FRMD6: variants seen among roughly 807,000 people sequenced by gnomAD.
FRMD6 encodes the protein FERM domain containing 6, also known as FERM domain-containing protein 6.
A neutral mutation model predicts 73.2 loss-of-function variants in FRMD6; 37 were observed. That is an observed-to-expected ratio of 0.51 (90% CI 0.39 to 0.66). The LOEUF (loss-of-function observed/expected upper bound fraction) is 0.66. Among genes scored for constraint, FRMD6 ranks in the 30% least tolerant of loss-of-function variants. The pLI is 0.00. For synonymous variants in FRMD6, 273 were observed against 282.2 expected (o/e 0.97, Z 0.33); for missense variants, 714 against 780.5 (o/e 0.91, Z 1.02).
intron 1 of FRMD6, among the ~76,000 whole-genome samples, chr14:51,566,690 A>G (rs137861446): frequency 3.3e-4 from 51 of 152,308 alleles, no homozygotes; most frequent in African/African-American, 1.2e-3. Flanking sequence ...GTGCGAAATA[A>G]TTGCAGTTTT....
chr14:51,466,874 G>GA, the FRMD6 span, among the ~76,000 whole-genome samples: 1 of 152,086 alleles, frequency 6.6e-6, no homozygotes, highest in Non-Finnish European at 1.5e-5. Flanking sequence ...ATTAATGTGG[G>GA]ATATCTTTCT....
intron 2 of FRMD6, among the ~76,000 whole-genome samples, chr14:51,582,230 G>A (rs902065997): frequency 1.3e-5 from 2 of 152,174 alleles, no homozygotes; most frequent in Non-Finnish European, 2.9e-5. Flanking sequence ...GTGGGGAAGG[G>A]CAGAAGGAGA....
intron 2 of FRMD6, among the ~76,000 whole-genome samples, chr14:51,581,450 A>G (rs962133661): frequency 1.3e-5 from 2 of 152,210 alleles, no homozygotes; most frequent in South Asian, 4.1e-4. Flanking sequence ...GAAGTTTTAT[A>G]ATCATTCTCC....
chr14:51,602,376 A>T (rs1387699024), intron 2 of FRMD6, among the ~76,000 whole-genome samples: 3 of 152,176 alleles, frequency 2.0e-5, no homozygotes. Context: ...GTCTCTAAGG[A>T]TGAATGGATG....
chr14:51,521,017 A>C (rs1160979266), intron 1 of FRMD6, among the ~76,000 whole-genome samples: 1 of 152,252 alleles, frequency 6.6e-6, no homozygotes, highest in Non-Finnish European at 1.5e-5. Context: ...ATAGATGCAA[A>C]AGAACGTACA....
chr14:51,536,078 T>TATA (rs1885870639), intron 1 of FRMD6, among the ~76,000 whole-genome samples: 2 of 139,676 alleles, frequency 1.4e-5, no homozygotes, highest in East Asian at 4.1e-4. Context: ...TATATATATT[T>TATA]TATATATATA....
chr14:51,436,568 T>G, the FRMD6 span: 1 of 648,328 alleles, frequency 1.5e-6, no homozygotes, highest in African/African-American at 1.9e-5. Flanking sequence ...CTGGAAAGGA[T>G]TTGACAAAAC....
intron 1 of FRMD6, among the ~76,000 whole-genome samples, chr14:51,525,235 G>GT (rs1255631885): frequency 7.2e-5 from 11 of 151,750 alleles, no homozygotes; most frequent in Non-Finnish European, 1.5e-4. Flanking sequence ...GCTCAGACTT[G>GT]TTTTTTAAAG....
At chr14:51,529,956 T>C (rs1885487566) in intron 1 of FRMD6, among the ~76,000 whole-genome samples, 1 of 152,210 alleles carries the variant, frequency 6.6e-6, no homozygotes, top group Non-Finnish European at 1.5e-5. Context: ...AAGATGCCCT[T>C]GGTGGCCATC....
chr14:51,421,626 C>A, the FRMD6 span, among the ~76,000 whole-genome samples: 2 of 152,166 alleles, frequency 1.3e-5, no homozygotes, highest in Admixed American at 6.5e-5. Flanking sequence ...CTATAGGGAA[C>A]CTCCTCTCTG....
intron 1 of FRMD6, among the ~76,000 whole-genome samples, chr14:51,543,758 A>G (rs1043882539): frequency 1.3e-5 from 2 of 152,006 alleles, no homozygotes; most frequent in East Asian, 3.9e-4. Context: ...GGTGATGGGA[A>G]CTCAAAAGAA....
At chr14:51,422,617 A>G in the FRMD6 span, among the ~76,000 whole-genome samples, 22 of 152,368 alleles carry the variant, frequency 1.4e-4, no homozygotes, top group South Asian at 3.5e-3. Context: ...TTAATCATTT[A>G]TTGCAATAAA....
intron 2 of FRMD6, among the ~76,000 whole-genome samples, chr14:51,591,799 C>T (rs532687366): frequency 1.9e-4 from 29 of 152,182 alleles, no homozygotes; most frequent in Non-Finnish European, 3.4e-4. Flanking sequence ...CCTTGGCCTC[C>T]CAAAGTGCTG....
chr14:51,402,140 C>T, the FRMD6 span, among the ~76,000 whole-genome samples: 5 of 152,124 alleles, frequency 3.3e-5, no homozygotes, highest in African/African-American at 9.7e-5. Context: ...AAATTCTGTT[C>T]ATATAAAAAG....
intron 1 of FRMD6, among the ~76,000 whole-genome samples, chr14:51,541,548 G>C (rs1420272979): frequency 6.6e-6 from 1 of 152,042 alleles, no homozygotes; most frequent in Non-Finnish European, 1.5e-5. Flanking sequence ...CAAAAACTGA[G>C]AGACAAAACA....
At chr14:51,572,685 G>C (rs957011727) in intron 2 of FRMD6, among the ~76,000 whole-genome samples, 8 of 152,184 alleles carry the variant, frequency 5.3e-5, no homozygotes, top group Non-Finnish European at 8.8e-5. Flanking sequence ...ACACAGTTTT[G>C]AGTTCCTTTG....
chr14:51,726,775 T>C (rs1326701925), intron 13 of FRMD6, among the ~76,000 whole-genome samples: 1 of 152,152 alleles, frequency 6.6e-6, no homozygotes, highest in African/African-American at 2.4e-5. Flanking sequence ...TGAAATCCTG[T>C]TGGAGTCTGG....
chr14:51,708,015 G>T, intron 6 of FRMD6, 63 bp from the exon 7 acceptor site: 2 of 1,478,848 alleles, frequency 1.4e-6, no homozygotes, highest in Middle Eastern at 1.7e-4. Flanking sequence ...CATTTTGGGG[G>T]TGGGGGTAGA....
intron 10 of FRMD6, 152 bp downstream of exon 10, chr14:51,715,651 T>C: frequency 1.8e-6 from 1 of 565,704 alleles, no homozygotes; most frequent in South Asian, 3.7e-5. Flanking sequence ...TCTCAGTATT[T>C]CCAGAAGGCA....
Sources: gnomAD v4.1 joint callset for allele counts (sites outside exome capture counted in the v4.1 genomes callset) on GRCh38, gnomAD v4.1.1 for gene constraint, MANE v1.5 for transcripts, NCBI Gene and HGNC (gene_info 2026-07-23, HGNC 2026-07-21) for gene names.